The following IQCK variants were observed in gnomAD, a reference collection of about 807,000 sequenced individuals.
IQCK encodes IQ domain-containing protein K.
IQCK carries 29 observed loss-of-function variants against 28.1 expected under a neutral mutation model. That is an observed-to-expected ratio of 1.03 (90% CI 0.77 to 1.41). The LOEUF (loss-of-function observed/expected upper bound fraction) is 1.41, where lower values mean the gene tolerates loss of function less well. Ranked by LOEUF, IQCK falls within the 40% of genes most tolerant of loss-of-function variation. The probability of loss-of-function intolerance (pLI) is 0.00; values close to 1 mark genes in which losing one functional copy is unlikely to be tolerated. For synonymous variants in IQCK, 113 were observed against 115.1 expected (o/e 0.98, Z 0.12); for missense variants, 359 against 314.7 (o/e 1.14, Z -1.07).
intron 6 of IQCK, among the ~76,000 whole-genome samples, chr16:19,781,634 G>A (rs1183214929): frequency 6.6e-6 from 1 of 152,236 alleles, no homozygotes; most frequent in Non-Finnish European, 1.5e-5. Context: ...ATGTCTGGGA[G>A]TACCATTCCA....
At chr16:19,856,391 C>T in intron 9 of IQCK, 96 bp from the exon 9 acceptor site, 6 of 976,524 alleles carry the variant, frequency 6.1e-6, no homozygotes, top group African/African-American at 1.6e-5. Flanking sequence ...TTTGGTGCAA[C>T]TGACCTTGTC....
chr16:19,739,354 C>A (rs1045717513), intron 4 of IQCK, among the ~76,000 whole-genome samples: 2 of 152,176 alleles, frequency 1.3e-5, no homozygotes, highest in African/African-American at 4.8e-5. Context: ...ATGATCAGAT[C>A]CCTTATTTTC....
chr16:19,735,663 A>G, intron 4 of IQCK: 1 of 542,098 alleles, frequency 1.8e-6, no homozygotes, highest in Non-Finnish European at 3.3e-6. Context: ...TGGACTCCGG[A>G]GAGCTTTTCC....
chr16:19,821,025 A>G (rs1166922895), intron 7 of IQCK, among the ~76,000 whole-genome samples: 1 of 152,184 alleles, frequency 6.6e-6, no homozygotes, highest in Non-Finnish European at 1.5e-5. Flanking sequence ...ATGCCACTTC[A>G]TATCTACTAG....
chr16:19,725,523 C>A (rs1977628033), intron 1 of IQCK, among the ~76,000 whole-genome samples: 1 of 152,130 alleles, frequency 6.6e-6, no homozygotes. Context: ...TTAAGTATTT[C>A]TAATGCAGAA....
intron 3 of IQCK, among the ~76,000 whole-genome samples, chr16:19,734,485 C>T (rs1977945160): frequency 7.0e-6 from 1 of 142,700 alleles, no homozygotes; most frequent in Non-Finnish European, 1.5e-5. Context: ...AAAAATTATC[C>T]AGGCATGGTG....
chr16:19,780,449 G>A (rs1264834812), intron 6 of IQCK, among the ~76,000 whole-genome samples: 1 of 152,092 alleles, frequency 6.6e-6, no homozygotes, highest in Non-Finnish European at 1.5e-5. Flanking sequence ...GGGATTACAG[G>A]CATGAGCCAC....
chr16:19,742,495 T>C (rs2054852059), intron 4 of IQCK, among the ~76,000 whole-genome samples: 1 of 152,168 alleles, frequency 6.6e-6, no homozygotes. Flanking sequence ...ATTTTCTTGA[T>C]TCAGCTGTTC....
intron 7 of IQCK, among the ~76,000 whole-genome samples, chr16:19,810,888 A>G (rs1341509213): frequency 6.6e-6 from 1 of 152,224 alleles, no homozygotes; most frequent in African/African-American, 2.4e-5. Flanking sequence ...TAATATGTAT[A>G]AAAGTCTTAA....
chr16:19,736,426 C>CTGATTGAT lies in IQCK; in HGVS notation c.474+995_474+1002dup, dbSNP rs3055706. 2.4e-3 allele frequency among the ~76,000 whole-genome samples: 368 copies of CTGATTGAT among 151,540 alleles called. 1 individual carries two copies. The highest frequency in any genetic ancestry group is 4.4e-3 in the South Asian group (21 of 4,776). On this transcript the variant is annotated intron_variant, in intron 4 of 7. Coordinates refer to ENST00000564186, the Ensembl canonical transcript of IQCK. ...TACGGGTATGCACCACCACGCCTGACTGATTGATTGATTGATTGATTGATT... is the reference window on the plus strand; with the variant it reads ...TACGGGTATGCACCACCACGCCTGACTGATTGATTGATTGATTGATTGATTGATTGATT...
chr16:19,719,473 C>T (rs1285205574), intron 1 of IQCK, among the ~76,000 whole-genome samples: 1 of 151,434 alleles, frequency 6.6e-6, no homozygotes, highest in Non-Finnish European at 1.5e-5. Context: ...CGCCTATAAT[C>T]TCAGCTACTT....
chr16:19,734,483 T>C, intron 3 of IQCK, among the ~76,000 whole-genome samples: 1 of 125,400 alleles, frequency 8.0e-6, no homozygotes, highest in Middle Eastern at 5.6e-3. Flanking sequence ...AAAAAAATTA[T>C]CCAGGCATGG....
intron 4 of IQCK, among the ~76,000 whole-genome samples, chr16:19,759,841 G>A (rs1213655565): frequency 2.0e-5 from 3 of 152,162 alleles, no homozygotes; most frequent in Non-Finnish European, 4.4e-5. Context: ...ATATTAGCCA[G>A]GTGTGGTGGT....
intron 6 of IQCK, among the ~76,000 whole-genome samples, chr16:19,786,348 G>A (rs1352849025): frequency 1.3e-5 from 2 of 151,520 alleles, no homozygotes; most frequent in Non-Finnish European, 2.9e-5. Context: ...GAGGCCAAGA[G>A]TTGGAGACCA....
At chr16:19,834,202 G>A (rs1567198071) in intron 9 of IQCK, among the ~76,000 whole-genome samples, 1 of 152,226 alleles carries the variant, frequency 6.6e-6, no homozygotes, top group Non-Finnish European at 1.5e-5. Flanking sequence ...GTAGCTACGA[G>A]CGATGGAGCT....
intron 4 of IQCK, among the ~76,000 whole-genome samples, chr16:19,751,964 G>T (rs771379982): frequency 6.6e-6 from 1 of 152,140 alleles, no homozygotes; most frequent in Non-Finnish European, 1.5e-5. Context: ...AGGTTGTAAG[G>T]CAGGAAATCA....
At chr16:19,735,304 C>A in intron 3 of IQCK, 49 bp from the exon 4 acceptor site, 1 of 1,259,878 alleles carries the variant, frequency 7.9e-7, no homozygotes, top group Non-Finnish European at 1.2e-6. Flanking sequence ...CCCAGATTGG[C>A]TCGGGCCACT....
At chr16:19,815,936 G>A (rs1338979438) in intron 7 of IQCK, among the ~76,000 whole-genome samples, 1 of 152,102 alleles carries the variant, frequency 6.6e-6, no homozygotes, top group Non-Finnish European at 1.5e-5. Flanking sequence ...ATAATCATTA[G>A]TATGTCACAT....
intron 7 of IQCK, among the ~76,000 whole-genome samples, chr16:19,805,864 TG>T (rs2055826656): frequency 7.1e-6 from 1 of 140,140 alleles, no homozygotes; most frequent in South Asian, 2.6e-4. Flanking sequence ...GATAGTTTGG[TG>T]GGGTGGGGGG....
Sources: gnomAD v4.1 joint callset for allele counts (sites outside exome capture counted in the v4.1 genomes callset) on GRCh38, gnomAD v4.1.1 for gene constraint, MANE v1.5 for transcripts, NCBI Gene and HGNC (gene_info 2026-07-23, HGNC 2026-07-21) for gene names.